The following VWA8 variants were observed in gnomAD, a reference collection of about 807,000 sequenced individuals.
The protein encoded by VWA8 is von Willebrand factor A domain-containing protein 8.
Under a neutral mutation model 241.5 loss-of-function variants are expected in VWA8, and 221 were observed. The ratio of observed to expected loss-of-function variants is 0.91; its 90% CI spans 0.82 to 1.02. VWA8 has a LOEUF of 1.02. Ranked by LOEUF, VWA8 falls within the 50% of genes least tolerant of loss-of-function variation. The pLI is 0.00. For missense variants in VWA8, 2,322 were observed against 2,328.7 expected, an observed-to-expected ratio of 1.00 and a Z score of 0.06; for synonymous variants, 852 against 827.1, an observed-to-expected ratio of 1.03 and a Z score of -0.52.
chr13:41,881,851 G>T, intron 9 of VWA8, among the ~76,000 whole-genome samples: 1 of 139,236 alleles, frequency 7.2e-6, no homozygotes, highest in African/African-American at 2.8e-5. Context: ...TGGCCGGGCG[G>T]GGGGCTGACC....
chr13:41,781,097 A>C (rs540056500), intron 19 of VWA8, among the ~76,000 whole-genome samples: 37 of 152,322 alleles, frequency 2.4e-4, no homozygotes, highest in African/African-American at 8.2e-4. Flanking sequence ...CTCCTAGACA[A>C]TACTAAAGAG....
intron 40 of VWA8, among the ~76,000 whole-genome samples, chr13:41,603,250 G>A (rs758075013): frequency 6.6e-6 from 1 of 152,072 alleles, no homozygotes; most frequent in Non-Finnish European, 1.5e-5. Flanking sequence ...ACTGTTTTCC[G>A]ATACTGGTCT....
chr13:41,849,894 AAAAAG>A (rs1208721528), intron 12 of VWA8, among the ~76,000 whole-genome samples: 3 of 152,172 alleles, frequency 2.0e-5, no homozygotes, highest in Admixed American at 6.5e-5. Flanking sequence ...CTCAAAAAAA[AAAAAG>A]AAAAGAAAAA....
chr13:41,907,782 G>T, intron 3 of VWA8, 86 bp from the exon 4 acceptor site: 1 of 1,168,376 alleles, frequency 8.6e-7, no homozygotes, highest in Non-Finnish European at 1.3e-6. Context: ...CAATGCCATT[G>T]CCCATGAGAA....
intron 9 of VWA8, among the ~76,000 whole-genome samples, chr13:41,881,688 G>T (rs1295532411): frequency 6.7e-6 from 1 of 148,308 alleles, no homozygotes; most frequent in Admixed American, 6.7e-5. Flanking sequence ...GGGCAGAGGC[G>T]CCCCTCACCT....
At chr13:41,815,890 T>C (rs1334395881) in intron 16 of VWA8, among the ~76,000 whole-genome samples, 25 of 152,186 alleles carry the variant, frequency 1.6e-4, no homozygotes. Context: ...AGAGAACAGA[T>C]GAGACATCAA....
chr13:41,960,970 C>T lies in VWA8; in HGVS notation c.46G>A (p.Gly16Ser). ...LLLGAPGGHG[G>S]PASRRMRLLL... ...AGCCGCATGCGCCGCGAGGCCGGGC[C>T]GCCGTGGCCTCCGGGTGCCCCGAGG... The change falls in exon 1 of 45, where the codon GGC (glycine) becomes AGC (serine). Residue 16 changes from glycine (G) to serine (S), a missense_variant. Transcript: ENST00000379310. 7.0e-7 allele frequency: 1 copy of T among 1,433,952 alleles called. No individual in the cohort carries two copies. Among genetic ancestry groups the T allele is most frequent in the Non-Finnish European group, 9.1e-7 (1 of 1,102,844 alleles). 88.8% of individuals were successfully genotyped at this position (1,433,952 alleles called of 1,614,324 possible).
chr13:41,897,217 CA>C (rs372450107), intron 4 of VWA8, among the ~76,000 whole-genome samples: 11 of 143,112 alleles, frequency 7.7e-5, no homozygotes, highest in South Asian at 2.2e-4. Context: ...AAATCAATTG[CA>C]AAAAAAAAAG....
chr13:41,876,416 T>C (rs1393146697), intron 9 of VWA8, among the ~76,000 whole-genome samples: 1 of 152,084 alleles, frequency 6.6e-6, no homozygotes, highest in Non-Finnish European at 1.5e-5. Context: ...TCCTTTGCTT[T>C]TCCTACAGTT....
intron 35 of VWA8, among the ~76,000 whole-genome samples, chr13:41,684,003 T>C (rs552683965): frequency 6.6e-6 from 1 of 152,288 alleles, no homozygotes; most frequent in East Asian, 1.9e-4. Context: ...TTCAACTGAT[T>C]AACTCTCATC....
At chr13:41,592,945 C>T (rs1253250827) in intron 40 of VWA8, among the ~76,000 whole-genome samples, 8 of 152,150 alleles carry the variant, frequency 5.3e-5, no homozygotes, top group African/African-American at 1.9e-4. Flanking sequence ...GCCTGGTGAG[C>T]CGTGTTAGCT....
chr13:41,573,486 A>AAATAAATAAATATATATATATATATATAT lies in VWA8; in HGVS notation c.5370+2253_5370+2254insATATATATATATATATATATTTATTTATT. 3.0e-3 allele frequency among the ~76,000 whole-genome samples: 344 copies of AAATAAATAAATATATATATATATATATAT among 113,486 alleles called. 2 individuals carry two copies. The highest frequency in any genetic ancestry group is 8.0e-3 in the African/African-American group (234 of 29,128). 74.5% of individuals were successfully genotyped at this position (113,486 alleles called of 152,430 possible). A position where few individuals can be genotyped will look rare whatever the true frequency, so the allele number is the denominator to read the frequency against. On this transcript the variant is annotated intron_variant, in intron 43 of 44. Transcript: ENST00000379310. ...GGTGGCTATAGTTTAAAAAAAAAAA[A>AAATAAATAAATATATATATATATATATAT]ATATATATATATATATATATACCTC...
chr13:41,663,475 C>T (rs750984833), intron 37 of VWA8, among the ~76,000 whole-genome samples: 3 of 152,104 alleles, frequency 2.0e-5, no homozygotes, highest in Non-Finnish European at 2.9e-5. Context: ...CCTTGTGACA[C>T]AGTCTCCCCC....
At position 41,699,091 on chromosome 13, in the gene VWA8, C is replaced by CT. The variant is rs753612704; in HGVS notation, c.3543dup (p.Val1182SerfsTer5). ...ATTACCTGCTGCTCATGGAGAACCACTTGACCTTTGAGAGGACTTCCCAGC... is the reference window on the plus strand; with the variant it reads ...ATTACCTGCTGCTCATGGAGAACCACTTTGACCTTTGAGAGGACTTCCCAGC... On this transcript the variant is annotated frameshift_variant, in exon 29 of 45. Transcript: ENST00000379310. LOFTEE classifies it high-confidence loss of function. The CT allele has an allele frequency of 1.7e-5, 27 of 1,613,862 alleles. No individual in the cohort carries two copies. In the Middle Eastern group the frequency reaches 4.9e-4, roughly 30 times the overall value.
intron 28 of VWA8, among the ~76,000 whole-genome samples, chr13:41,700,947 C>T (rs2045245284): frequency 6.6e-6 from 1 of 152,156 alleles, no homozygotes; most frequent in African/African-American, 2.4e-5. Context: ...TGGCAACAGT[C>T]CAGAAGTGTG....
In VWA8 at chr13:41,850,998, A is replaced by G. The variant is rs558787984; in HGVS notation, c.1425+14738T>C. 3.9e-5 allele frequency among the ~76,000 whole-genome samples: 6 copies of G among 152,290 alleles called. No homozygotes were observed. In the South Asian group the frequency reaches 1.2e-3, roughly 32 times the overall value. On this transcript the variant is annotated intron_variant, in intron 12 of 44. Transcript: ENST00000379310. ...TGAAAAGCTCAACAAAGAGATAGAA[A>G]CCATAGTTACATATTTTTTGTGGTA...
At chr13:41,900,248 A>T (rs751183376) in intron 4 of VWA8, among the ~76,000 whole-genome samples, 1 of 152,202 alleles carries the variant, frequency 6.6e-6, no homozygotes, top group Non-Finnish European at 1.5e-5. Context: ...AAATAATTGT[A>T]GTATAATTTT....
intron 21 of VWA8, among the ~76,000 whole-genome samples, chr13:41,741,937 C>G (rs1593736308): frequency 6.6e-6 from 1 of 152,136 alleles, no homozygotes; most frequent in East Asian, 1.9e-4. Flanking sequence ...TGGAAAAGAA[C>G]AGAGTCCTGA....
intron 21 of VWA8, among the ~76,000 whole-genome samples, chr13:41,740,285 T>A (rs1469152604): frequency 1.3e-5 from 2 of 152,202 alleles, no homozygotes; most frequent in Non-Finnish European, 2.9e-5. Flanking sequence ...TGATGTAGAT[T>A]TTTTTAAAAT....
Sources: allele counts gnomAD v4.1 joint callset (sites outside exome capture counted in the v4.1 genomes callset), GRCh38; gene constraint gnomAD v4.1.1; transcripts MANE v1.5; gene names NCBI Gene and HGNC (gene_info 2026-07-23, HGNC 2026-07-21).